TADA2A: variants seen among roughly 807,000 people sequenced by gnomAD.
TADA2A encodes the protein transcriptional adapter 2-alpha.
A neutral mutation model predicts 67.4 loss-of-function variants in TADA2A; 38 were observed. The ratio of observed to expected loss-of-function variants is 0.56; its 90% CI spans 0.44 to 0.74. The LOEUF is 0.74. Among genes scored for constraint, TADA2A ranks in the 30% least tolerant of loss-of-function variants. The pLI is 0.00. For missense variants in TADA2A, 454 were observed against 547.0 expected (o/e 0.83, Z 1.70); for synonymous variants, 192 against 181.6 (o/e 1.06, Z -0.46).
chr17:37,417,556 A>G (rs1446246795), intron 2 of TADA2A, among the ~76,000 whole-genome samples: 4 of 151,894 alleles, frequency 2.6e-5, no homozygotes, highest in African/African-American at 9.7e-5. Flanking sequence ...TTTTCTTGAG[A>G]CATAGTCTCG....
intron 11 of TADA2A, among the ~76,000 whole-genome samples, chr17:37,467,117 C>T (rs1407039533): frequency 1.3e-5 from 2 of 152,064 alleles, no homozygotes; most frequent in African/African-American, 4.8e-5. Flanking sequence ...GAGATCATGC[C>T]ATTGCAGCCT....
chr17:37,433,011 A>T (rs983289285), intron 4 of TADA2A, among the ~76,000 whole-genome samples: 3 of 139,982 alleles, frequency 2.1e-5, no homozygotes, highest in East Asian at 4.2e-4. Flanking sequence ...CAATTTTCCA[A>T]TTGGTTGCCT....
intron 4 of TADA2A, among the ~76,000 whole-genome samples, chr17:37,432,321 C>T (rs1031614446): frequency 6.6e-6 from 1 of 152,270 alleles, no homozygotes; most frequent in South Asian, 2.1e-4. Context: ...GCGTCCACCA[C>T]CGCGCCTGGC....
At chr17:37,465,598 A>G (rs551949702) in intron 11 of TADA2A, 57 bp downstream of exon 11, 1 of 1,606,674 alleles carries the variant, frequency 6.2e-7, no homozygotes, top group Non-Finnish European at 8.5e-7. Context: ...TATAAATAGG[A>G]GAGATAATGG....
intron 4 of TADA2A, among the ~76,000 whole-genome samples, chr17:37,427,388 G>A (rs893344935): frequency 5.3e-5 from 8 of 152,240 alleles, no homozygotes; most frequent in Non-Finnish European, 8.8e-5. Context: ...TGTGGTTCAT[G>A]TGGACAGTGG....
rs1214439404 is a variant in TADA2A at position 37,470,425 on chromosome 17, G to C, written c.921G>C (p.Lys307Asn). ...FCSARTYDHLKKTREEERLKR... is the reference protein window; with the variant it reads ...FCSARTYDHLNKTREEERLKR... ...GTGCCAGAACCTACGATCACCTCAA[G>C]AAGACACGGGAGGAAGAGCGCCTTA... The change falls in exon 13 of 16, where the codon AAG (lysine) becomes AAC (asparagine). Residue 307 changes from lysine (K) to asparagine (N), a missense_variant. Around this residue, in one of 2 missense-constraint regions of TADA2A, gnomAD observed 403 missense variants for 455.5 expected, o/e 0.88. Transcript: ENST00000615182. 1 of 1,613,792 alleles carries C rather than the reference G, an allele frequency of 6.2e-7. No homozygotes were observed. The highest frequency in any genetic ancestry group is 8.5e-7 in the Non-Finnish European group (1 of 1,179,884).
At chr17:37,454,758 G>A (rs1239425435) in intron 8 of TADA2A, 2 of 313,292 alleles carry the variant, frequency 6.4e-6, no homozygotes, top group East Asian at 1.8e-4. Flanking sequence ...GTGGCCAAGA[G>A]GAATGAGAAA....
chr17:37,432,769 G>A (rs2052607364), intron 4 of TADA2A, among the ~76,000 whole-genome samples: 2 of 152,024 alleles, frequency 1.3e-5, no homozygotes, highest in East Asian at 1.9e-4. Flanking sequence ...TTAAATAAAC[G>A]ATTGGCAAGT....
chr17:37,447,036 T>C (rs2147986978), intron 8 of TADA2A, among the ~76,000 whole-genome samples: 1 of 152,362 alleles, frequency 6.6e-6, no homozygotes, highest in South Asian at 2.1e-4. Context: ...AATTATTGAT[T>C]TTCATTTGAG....
rs1008702942 is a variant in TADA2A, at chr17:37,428,006, G to C, written c.192+997G>C. Among the ~76,000 whole-genome samples the C allele has an allele frequency of 2.0e-5, 3 of 152,026 alleles. No homozygotes were observed. The South Asian group carries it at 6.2e-4, about 32-fold the overall frequency. On this transcript the variant is annotated intron_variant, in intron 4 of 15. Coordinates refer to ENST00000615182, the MANE Select transcript of TADA2A (RefSeq NM_001166105.3). ...CAAAAAAAAAAAGACAGTTTTGTCA[G>C]TTATCAGAACATATTAAGCATATAA...
At chr17:37,464,340 A>T (rs543247931) in intron 10 of TADA2A, among the ~76,000 whole-genome samples, 1 of 152,320 alleles carries the variant, frequency 6.6e-6, no homozygotes, top group African/African-American at 2.4e-5. Context: ...TTGCTTGAGG[A>T]TGTGTAGGTG....
At chr17:37,469,363 G>T (rs2053735616) in intron 12 of TADA2A, among the ~76,000 whole-genome samples, 1 of 151,806 alleles carries the variant, frequency 6.6e-6, no homozygotes, top group East Asian at 2.0e-4. Context: ...GCTGGGCACG[G>T]TGGCTCACAC....
At chr17:37,437,537 C>T (rs1434797818) in intron 4 of TADA2A, among the ~76,000 whole-genome samples, 1 of 152,082 alleles carries the variant, frequency 6.6e-6, no homozygotes, top group Non-Finnish European at 1.5e-5. Flanking sequence ...CAGGCGTGTG[C>T]CACCATGCCC....
In TADA2A at chr17:37,460,389, G is replaced by A. The variant is rs141449622; in HGVS notation, c.669-1689G>A. ...GCCTCCCAAGAAGCTGGGACTACAG[G>A]CACGTGCCATCATGCCCAGCTAATT... On this transcript the variant is annotated intron_variant, in intron 9 of 15. Coordinates refer to ENST00000615182, the MANE Select transcript of TADA2A (RefSeq NM_001166105.3). Among the ~76,000 whole-genome samples, 732 of 152,142 alleles carry A rather than the reference G, an allele frequency of 4.8e-3. 6 individuals are homozygous for A. Among genetic ancestry groups the A allele is most frequent in the Non-Finnish European group, 9.3e-3 (634 of 67,998 alleles).
intron 4 of TADA2A, among the ~76,000 whole-genome samples, chr17:37,432,827 G>C (rs1203315277): frequency 2.0e-5 from 3 of 151,382 alleles, no homozygotes; most frequent in African/African-American, 7.3e-5. Context: ...CAATATATGA[G>C]AGTTCTGATT....
intron 2 of TADA2A, among the ~76,000 whole-genome samples, chr17:37,416,408 T>C (rs908339674): frequency 8.5e-5 from 13 of 152,120 alleles, no homozygotes; most frequent in Non-Finnish European, 1.6e-4. Context: ...GTTTGCATAC[T>C]AGGGATTTCA....
At position 37,444,764 on chromosome 17, in the gene TADA2A, A is replaced by T; in HGVS notation, c.600A>T (p.Leu200Phe). ...IDFVEDDSDI[L>F]HALKMAVVDI... ...TTGTTGAAGATGACTCGGACATTTT[A>T]CATGGTAACAGTTTATTTTGTCAAA... Residue 200 changes from leucine (L) to phenylalanine (F), a missense_variant, in exon 8 of 16, where the codon TTA becomes TTT. Leu to Phe is a conservative substitution (Grantham distance 22). Around this residue, in one of 2 missense-constraint regions of TADA2A, gnomAD observed 403 missense variants for 455.5 expected, o/e 0.88. Coordinates refer to ENST00000615182, the MANE Select transcript of TADA2A (RefSeq NM_001166105.3). 1 of 1,613,908 alleles carries T rather than the reference A, an allele frequency of 6.2e-7. No homozygotes were observed. The highest frequency in any genetic ancestry group is 1.7e-4 in the Middle Eastern group (1 of 6,058).
chr17:37,446,642 G>A (rs1597902551), intron 8 of TADA2A, among the ~76,000 whole-genome samples: 1 of 150,652 alleles, frequency 6.6e-6, no homozygotes, highest in African/African-American at 2.4e-5. Context: ...TATTATTATT[G>A]TTTTTCCTCC....
intron 4 of TADA2A, 33 bp from the exon 5 acceptor site, chr17:37,437,705 C>T (rs759632086): frequency 1.3e-6 from 2 of 1,599,842 alleles, no homozygotes; most frequent in Middle Eastern, 1.7e-4. Context: ...CCATTTGTAT[C>T]TCTGTTCTTA....
Sources: gnomAD v4.1 joint callset for allele counts (sites outside exome capture counted in the v4.1 genomes callset) on GRCh38, gnomAD v4.1.1 for gene constraint, gnomAD v4.1.1 regional missense constraint, MANE v1.5 for transcripts, NCBI Gene and HGNC (gene_info 2026-07-23, HGNC 2026-07-21) for gene names.